EPS15: variants seen among roughly 807,000 people sequenced by gnomAD.
EPS15 encodes the protein epidermal growth factor receptor pathway substrate 15, also known as epidermal growth factor receptor substrate 15.
Under a neutral mutation model 113.8 loss-of-function variants are expected in EPS15, and 72 were observed. The ratio of observed to expected loss-of-function variants is 0.63; its 90% CI spans 0.52 to 0.77. The LOEUF is 0.77. Ranked by LOEUF, EPS15 falls within the 30% of genes least tolerant of loss-of-function variation. The pLI, the probability that EPS15 is intolerant of heterozygous loss-of-function variation, is 0.00. For missense variants in EPS15, 1,048 were observed against 1,045.8 expected, an observed-to-expected ratio of 1.00 and a Z score of -0.03; for synonymous variants, 344 against 363.4, an observed-to-expected ratio of 0.95 and a Z score of 0.61.
At chr1:51,519,019 C>G (rs906512099) in intron 1 of EPS15, among the ~76,000 whole-genome samples, 180 bp downstream of exon 1, 8 of 151,290 alleles carry the variant, frequency 5.3e-5, no homozygotes, top group African/African-American at 1.5e-4. Flanking sequence ...CAGGGGGGCT[C>G]CGGCTCCGGA....
rs77950596 is a variant in EPS15, at chr1:51,445,724, A to G, written c.798-679T>C. Among the ~76,000 whole-genome samples, 829 of 152,230 alleles carry G rather than the reference A, an allele frequency of 5.4e-3. 6 individuals are homozygous for G. The highest frequency in any genetic ancestry group is 0.01 in the Middle Eastern group (3 of 292). On this transcript the variant is annotated intron_variant, in intron 10 of 24. Transcript: ENST00000371733. ...CAGTAGGGCCTGATGAAAAGACTAC[A>G]TAAGTAAAAAGACTACATGTCACAT...
intron 1 of EPS15, among the ~76,000 whole-genome samples, chr1:51,488,076 C>T (rs1017911532): frequency 6.6e-6 from 1 of 152,174 alleles, no homozygotes; most frequent in African/African-American, 2.4e-5. Flanking sequence ...TCATACTACT[C>T]TGCAGTCTCT....
chr1:51,370,705 C>T (rs1646626823), intron 21 of EPS15, among the ~76,000 whole-genome samples: 1 of 151,786 alleles, frequency 6.6e-6, no homozygotes, highest in Non-Finnish European at 1.5e-5. Context: ...ACCGAAACCT[C>T]CGCCTCTTGG....
chr1:51,505,067 C>T (rs557469324), intron 1 of EPS15, among the ~76,000 whole-genome samples: 7 of 152,058 alleles, frequency 4.6e-5, no homozygotes, highest in African/African-American at 1.4e-4. Context: ...TTGCAGTGAG[C>T]CATGATTGCG....
chr1:51,396,163 T>C (rs1446960309), intron 20 of EPS15, among the ~76,000 whole-genome samples: 1 of 152,170 alleles, frequency 6.6e-6, no homozygotes, highest in Non-Finnish European at 1.5e-5. Context: ...CTAACTTAGA[T>C]ATCTGCAGAA....
chr1:51,495,353 A>ATT (rs928610749), intron 1 of EPS15, among the ~76,000 whole-genome samples: 8 of 146,478 alleles, frequency 5.5e-5, no homozygotes, highest in Non-Finnish European at 9.1e-5. Context: ...TTTTATTTTT[A>ATT]TTTTTTTTTT....
At chr1:51,436,677 C>A (rs1216207430) in intron 12 of EPS15, among the ~76,000 whole-genome samples, 1 of 151,942 alleles carries the variant, frequency 6.6e-6, no homozygotes, top group African/African-American at 2.4e-5. Context: ...GAAATGATGT[C>A]TAAGATGAGA....
intron 12 of EPS15, among the ~76,000 whole-genome samples, chr1:51,433,504 G>C (rs1490172727): frequency 1.3e-5 from 2 of 152,242 alleles, no homozygotes; most frequent in Non-Finnish European, 2.9e-5. Context: ...CTCATTAGAA[G>C]TAAGAGTTGG....
At chr1:51,427,739 A>G (rs1004501021) in intron 12 of EPS15, among the ~76,000 whole-genome samples, 7 of 152,218 alleles carry the variant, frequency 4.6e-5, no homozygotes, top group Non-Finnish European at 1.5e-5. Context: ...CTTGAAGGAA[A>G]GAGTAAATGT....
intron 21 of EPS15, among the ~76,000 whole-genome samples, chr1:51,388,039 A>T (rs959214716): frequency 6.6e-6 from 1 of 152,152 alleles, no homozygotes; most frequent in Admixed American, 6.6e-5. Flanking sequence ...ACCACACCAC[A>T]CCTATTCCAA....
intron 21 of EPS15, among the ~76,000 whole-genome samples, chr1:51,383,763 A>G (rs1036367604): frequency 6.6e-6 from 1 of 152,224 alleles, no homozygotes; most frequent in African/African-American, 2.4e-5. Context: ...GGCAAGAAAA[A>G]GAAATAAAAG....
chr1:51,424,911 A>G (rs1467141336), intron 12 of EPS15, among the ~76,000 whole-genome samples: 3 of 152,134 alleles, frequency 2.0e-5, no homozygotes, highest in African/African-American at 4.8e-5. Flanking sequence ...TCAAAAAAAA[A>G]TAAAATAAAA....
intron 11 of EPS15, 91 bp from the exon 12 acceptor site, chr1:51,440,523 A>G (rs1557471823): frequency 2.0e-6 from 1 of 495,734 alleles, no homozygotes; most frequent in Non-Finnish European, 3.5e-6. Context: ...ACGCAGATAT[A>G]AGGTATTGCA....
chr1:51,492,874 A>T (rs976340624), intron 1 of EPS15, among the ~76,000 whole-genome samples: 2 of 152,154 alleles, frequency 1.3e-5, no homozygotes, highest in African/African-American at 4.8e-5. Flanking sequence ...ATGTGAATAA[A>T]CTCCTCTTTG....
At chr1:51,437,963 T>C (rs1018360401) in intron 12 of EPS15, among the ~76,000 whole-genome samples, 1 of 152,132 alleles carries the variant, frequency 6.6e-6, no homozygotes, top group Non-Finnish European at 1.5e-5. Context: ...AATTTTAACT[T>C]TGCATGGAAA....
In EPS15 at chr1:51,361,204, C is replaced by G. The variant is rs1180296985; in HGVS notation, c.2511G>C (p.Glu837Asp). The change falls in exon 24 of 25, where the codon GAG (glutamate) becomes GAC (aspartate). Residue 837 changes from glutamate (E) to aspartate (D), a missense_variant. Transcript: ENST00000371733. ...AGTTGGCAAAATTGCTTGGATCAGCCTCTTTATTGGTAGTGGTAGTAGCAG... is the reference window on the plus strand; with the variant it reads ...AGTTGGCAAAATTGCTTGGATCAGCGTCTTTATTGGTAGTGGTAGTAGCAG... The part of the protein sequence containing the change: ...FTSATTTTNK[E>D]ADPSNFANFS... 6.2e-7 allele frequency: 1 copy of G among 1,613,916 alleles called. No homozygotes were observed. The highest frequency in any genetic ancestry group is 8.5e-7 in the Non-Finnish European group (1 of 1,179,952).
chr1:51,377,913 G>A (rs959453466), intron 21 of EPS15, among the ~76,000 whole-genome samples: 5 of 81,640 alleles, frequency 6.1e-5, no homozygotes, highest in Middle Eastern at 7.6e-3. Flanking sequence ...TTTTTTTTTT[G>A]AGATGGAGTT....
intron 5 of EPS15, among the ~76,000 whole-genome samples, chr1:51,467,301 G>C (rs529723058): frequency 6.6e-6 from 1 of 152,260 alleles, no homozygotes; most frequent in South Asian, 2.1e-4. Flanking sequence ...AAAAACTTTT[G>C]AACAGCATTT....
At chr1:51,404,112 C>T (rs1053036432) in intron 16 of EPS15, among the ~76,000 whole-genome samples, 6 of 148,912 alleles carry the variant, frequency 4.0e-5, no homozygotes, top group South Asian at 2.1e-4. Context: ...TTTGGGAGGC[C>T]GAGGCAGGCA....
Sources: allele counts gnomAD v4.1 joint callset (sites outside exome capture counted in the v4.1 genomes callset), GRCh38; gene constraint gnomAD v4.1.1; transcripts MANE v1.5; gene names NCBI Gene and HGNC (gene_info 2026-07-23, HGNC 2026-07-21).